Variants in CFAP299 observed in about 807,000 individuals in gnomAD.
CFAP299 encodes the protein cilia and flagella associated protein 299.
In CFAP299, 21 loss-of-function variants were observed where a neutral mutation model predicts 27.0. The ratio of observed to expected loss-of-function variants is 0.78; its 90% CI spans 0.55 to 1.12. The LOEUF (loss-of-function observed/expected upper bound fraction) is 1.12, where lower values mean the gene tolerates loss of function less well. Ranked by LOEUF, CFAP299 falls within the 50% of genes most tolerant of loss-of-function variation. CFAP299 has a pLI of 0.00. For missense variants in CFAP299, 310 were observed against 276.6 expected (o/e 1.12, Z -0.86); for synonymous variants, 104 against 98.1 (o/e 1.06, Z -0.36).
chr4:80,461,130 A>G (rs1729417652), intron 2 of CFAP299, among the ~76,000 whole-genome samples: 1 of 152,176 alleles, frequency 6.6e-6, no homozygotes, highest in Non-Finnish European at 1.5e-5. Context: ...CTAGGTTAAT[A>G]TAAGGGGGTG....
chr4:80,604,653 A>G (rs1737548067), intron 3 of CFAP299, among the ~76,000 whole-genome samples: 1 of 152,212 alleles, frequency 6.6e-6, no homozygotes, highest in Non-Finnish European at 1.5e-5. Flanking sequence ...AAGTTCATTT[A>G]GGCAAACATG....
rs568085019 is a variant in CFAP299, at chr4:80,876,343, G to C, written c.476+6208G>C. Among the ~76,000 whole-genome samples the C allele has an allele frequency of 2.3e-4, 35 of 152,042 alleles. 1 individual carries two copies. Among genetic ancestry groups the C allele is most frequent in the Non-Finnish European group, 4.6e-4 (31 of 67,982 alleles). On this transcript the variant is annotated intron_variant, in intron 4 of 5. Transcript: ENST00000358105. ...TCATGGGGGCAGTTTTCTCCATACTGTTCTCAGGATAGTGAGTGAGTTCTC... is the reference window on the plus strand; with the variant it reads ...TCATGGGGGCAGTTTTCTCCATACTCTTCTCAGGATAGTGAGTGAGTTCTC...
rs148100119 is a variant in CFAP299, at chr4:80,655,593, T to G, written c.333+72410T>G. Among the ~76,000 whole-genome samples the G allele has an allele frequency of 2.1e-3, 313 of 152,252 alleles. 6 individuals are homozygous for G. In the East Asian group the frequency reaches 0.047, roughly 23 times the overall value. On this transcript the variant is annotated intron_variant, in intron 3 of 5. Coordinates refer to ENST00000358105, the MANE Select transcript of CFAP299 (RefSeq NM_152770.3). ...TTCAAGGGTATGGGAATATGTTTCT[T>G]TTTTTCATTTTAATAATGGTACCAG...
chr4:80,419,202 CA>C (rs1409372100), intron 2 of CFAP299, among the ~76,000 whole-genome samples: 1 of 151,310 alleles, frequency 6.6e-6, no homozygotes, highest in Non-Finnish European at 1.5e-5. Context: ...GGAAGAGGGC[CA>C]AGGGGGCAAC....
chr4:80,641,603 G>T (rs1356595895), intron 3 of CFAP299, among the ~76,000 whole-genome samples: 1 of 152,186 alleles, frequency 6.6e-6, no homozygotes, highest in African/African-American at 2.4e-5. Context: ...TTACAGTTAA[G>T]CATATATTAT....
chr4:80,737,344 A>G (rs1262369956), intron 3 of CFAP299, among the ~76,000 whole-genome samples: 1 of 152,108 alleles, frequency 6.6e-6, no homozygotes, highest in Non-Finnish European at 1.5e-5. Context: ...TAAAATAAAA[A>G]AGCAGAAAAA....
intron 3 of CFAP299, among the ~76,000 whole-genome samples, chr4:80,591,121 T>TTA (rs1736742836): frequency 6.9e-6 from 1 of 144,814 alleles, no homozygotes; most frequent in Non-Finnish European, 1.5e-5. Context: ...TTTTTTTTTT[T>TTA]TTTTTTTTTT....
chr4:80,512,670 T>C (rs564940358), intron 2 of CFAP299, among the ~76,000 whole-genome samples: 4 of 152,174 alleles, frequency 2.6e-5, no homozygotes, highest in East Asian at 3.9e-4. Context: ...TGGGGACTTA[T>C]CTTGCTGCAG....
intron 3 of CFAP299, among the ~76,000 whole-genome samples, chr4:80,641,260 A>G (rs899405357): frequency 2.0e-5 from 3 of 152,148 alleles, no homozygotes; most frequent in African/African-American, 7.2e-5. Flanking sequence ...GCTGGAGTAC[A>G]GTGGCATGAT....
At chr4:80,954,720 C>T (rs1737964416) in intron 5 of CFAP299, among the ~76,000 whole-genome samples, 1 of 152,020 alleles carries the variant, frequency 6.6e-6, no homozygotes, top group African/African-American at 2.4e-5. Flanking sequence ...TAAGTTTTGG[C>T]TGGGCATGGT....
chr4:80,568,596 T>C (rs1038646144), intron 2 of CFAP299, among the ~76,000 whole-genome samples: 2 of 152,120 alleles, frequency 1.3e-5, no homozygotes, highest in African/African-American at 4.8e-5. Context: ...ATTGCATTAA[T>C]TTATGTTATA....
chr4:80,420,808 T>C (rs937011953), intron 2 of CFAP299, among the ~76,000 whole-genome samples: 1 of 152,188 alleles, frequency 6.6e-6, no homozygotes, highest in Non-Finnish European at 1.5e-5. Flanking sequence ...CTGGTTTCGC[T>C]ACTCTCTAGC....
chr4:80,448,675 TGTGTTTAG>T (rs1483165631), intron 2 of CFAP299, among the ~76,000 whole-genome samples: 1 of 148,670 alleles, frequency 6.7e-6, no homozygotes, highest in Non-Finnish European at 1.5e-5. Context: ...AGTTTTCTGC[TGTGTTTAG>T]GTGTTAGTGA....
chr4:80,738,878 C>T (rs1724080118), intron 3 of CFAP299, among the ~76,000 whole-genome samples: 1 of 151,606 alleles, frequency 6.6e-6, no homozygotes, highest in Non-Finnish European at 1.5e-5. Flanking sequence ...ACTTTAATTT[C>T]TTAGTTTTTT....
intron 3 of CFAP299, among the ~76,000 whole-genome samples, chr4:80,841,990 C>A (rs1730887081): frequency 6.6e-6 from 1 of 152,054 alleles, no homozygotes; most frequent in Non-Finnish European, 1.5e-5. Context: ...AGTGTGTGAG[C>A]AAGGAAAAGA....
At chr4:80,903,762 C>G (rs1168171494) in intron 4 of CFAP299, among the ~76,000 whole-genome samples, 1 of 151,992 alleles carries the variant, frequency 6.6e-6, no homozygotes, top group African/African-American at 2.4e-5. Flanking sequence ...AGCTCTCAGT[C>G]TATTCAATGG....
chr4:80,407,747 G>A (rs1578410345), intron 2 of CFAP299, among the ~76,000 whole-genome samples: 1 of 151,936 alleles, frequency 6.6e-6, no homozygotes, highest in African/African-American at 2.4e-5. Context: ...AATAATTGGG[G>A]CCATTTTTAC....
intron 2 of CFAP299, among the ~76,000 whole-genome samples, chr4:80,437,587 G>A (rs757567861): frequency 2.6e-5 from 4 of 152,224 alleles, no homozygotes; most frequent in Admixed American, 6.5e-5. Context: ...ATAAAGGGCA[G>A]TAAACATGCC....
intron 3 of CFAP299, among the ~76,000 whole-genome samples, chr4:80,781,878 C>CA (rs2110091534): frequency 6.6e-6 from 1 of 151,826 alleles, no homozygotes; most frequent in Non-Finnish European, 1.5e-5. Flanking sequence ...TAATGTGGTC[C>CA]AGCACATGGG....
Sources: allele counts gnomAD v4.1 joint callset (sites outside exome capture counted in the v4.1 genomes callset), GRCh38; gene constraint gnomAD v4.1.1; transcripts MANE v1.5; gene names NCBI Gene and HGNC (gene_info 2026-07-23, HGNC 2026-07-21).